AVL9: variants seen among roughly 807,000 people sequenced by gnomAD.
AVL9 encodes AVL9 cell migration associated.
Under a neutral mutation model 79.2 loss-of-function variants are expected in AVL9, and 49 were observed. That is an observed-to-expected ratio of 0.62 (90% CI 0.49 to 0.79). AVL9 has a LOEUF of 0.79. Ranked by LOEUF, AVL9 falls within the 30% of genes least tolerant of loss-of-function variation. The pLI, the probability that AVL9 is intolerant of heterozygous loss-of-function variation, is 0.00. For synonymous variants in AVL9, 299 were observed against 280.6 expected, an observed-to-expected ratio of 1.07 and a Z score of -0.65; for missense variants, 682 against 776.8, an observed-to-expected ratio of 0.88 and a Z score of 1.45.
intron 1 of AVL9, among the ~76,000 whole-genome samples, chr7:32,503,570 A>AAAC (rs938875350): frequency 6.7e-6 from 1 of 149,952 alleles, no homozygotes; most frequent in African/African-American, 2.5e-5. Context: ...GAAAAAAAAA[A>AAAC]AAAAAACTAG....
At chr7:32,545,089 G>A (rs1006401255) in intron 3 of AVL9, among the ~76,000 whole-genome samples, 2 of 124,022 alleles carry the variant, frequency 1.6e-5, no homozygotes, top group African/African-American at 5.7e-5. Context: ...TGTTTCTAGT[G>A]TTTGGCATAT....
chr7:32,497,652 T>G (rs1433842609), intron 1 of AVL9, among the ~76,000 whole-genome samples: 4 of 106,746 alleles, frequency 3.7e-5, no homozygotes, highest in Non-Finnish European at 8.5e-5. Context: ...GACCATTAGT[T>G]CTTTTTTTTT....
intron 1 of AVL9, among the ~76,000 whole-genome samples, chr7:32,505,296 C>G (rs988419804): frequency 1.3e-5 from 2 of 151,448 alleles, no homozygotes; most frequent in African/African-American, 4.8e-5. Flanking sequence ...GAGGCCAAGG[C>G]GGGCAGATCA....
chr7:32,552,095 T>G (rs1280954885), intron 5 of AVL9, 134 bp from the exon 6 acceptor site: 9 of 603,630 alleles, frequency 1.5e-5, no homozygotes, highest in Non-Finnish European at 2.7e-5. Flanking sequence ...CAGAGAGGCT[T>G]GATTGTTTTT....
intron 12 of AVL9, 133 bp from the exon 13 acceptor site, chr7:32,575,822 C>G (rs1791068197): frequency 4.8e-6 from 3 of 630,386 alleles, no homozygotes; most frequent in African/African-American, 1.9e-5. Flanking sequence ...TTCCTGACAT[C>G]TGGTAGGCTA....
At position 32,579,339 on chromosome 7, in the gene AVL9, CACAT is replaced by C. The variant is rs1173647636; in HGVS notation, c.1689-878_1689-875del. On this transcript the variant is annotated intron_variant, in intron 13 of 15. Coordinates refer to ENST00000318709, the MANE Select transcript of AVL9 (RefSeq NM_015060.3). Reference sequence around the variant, plus strand: ...TATATATTTTATATAATATATATAACACATATTTTATATAATATATAACATATAT... The same window carrying C: ...TATATATTTTATATAATATATATAACATTTTATATAATATATAACATATAT... Among the ~76,000 whole-genome samples the C allele has an allele frequency of 2.3e-3, 19 of 8,428 alleles. 1 individual carries two copies. In the East Asian group the frequency reaches 0.074, roughly 33 times the overall value. The allele number at this position is 8,428 out of a possible 152,430, so 5.5% of individuals were successfully genotyped here. A position where few individuals can be genotyped will look rare whatever the true frequency, so the allele number is the denominator to read the frequency against.
chr7:32,543,499 G>A (rs577447759), intron 2 of AVL9, among the ~76,000 whole-genome samples: 2 of 152,356 alleles, frequency 1.3e-5, no homozygotes, highest in African/African-American at 4.8e-5. Context: ...TGATTAGCCA[G>A]AGCAGGACAG....
intron 1 of AVL9, among the ~76,000 whole-genome samples, chr7:32,496,415 G>A (rs1786815438): frequency 6.6e-6 from 1 of 152,124 alleles, no homozygotes; most frequent in Non-Finnish European, 1.5e-5. Context: ...GCCTTTTGGT[G>A]AGAGATTAAT....
intron 11 of AVL9, 24 bp downstream of exon 11, chr7:32,570,178 TA>T (rs777875079): frequency 1.2e-6 from 2 of 1,613,082 alleles, no homozygotes; most frequent in South Asian, 2.2e-5. Context: ...TGAGTGTGTG[TA>T]TTTGGCCCTG....
chr7:32,569,929 A>C, intron 10 of AVL9, 91 bp from the exon 11 acceptor site: 1 of 1,256,746 alleles, frequency 8.0e-7, no homozygotes, highest in East Asian at 2.3e-5. Flanking sequence ...GAAGAATGGA[A>C]GTTTCTTTTC....
Position 32,525,704 on chromosome 7 carries a change from T to C in AVL9, c.94-17437T>C, listed in dbSNP as rs1788373776. ...TTAGTTGGTGCCCTAATGGAATAGG[T>C]TTATTTTTCTGCCCTGACACACAAA... On this transcript the variant is annotated intron_variant, in intron 1 of 15. Transcript: ENST00000318709. 2.0e-5 allele frequency among the ~76,000 whole-genome samples: 3 copies of C among 152,184 alleles called. No individual in the cohort carries two copies. In the South Asian group the frequency reaches 6.2e-4, roughly 32 times the overall value.
intron 1 of AVL9, among the ~76,000 whole-genome samples, chr7:32,519,199 C>T (rs79224828): frequency 3.3e-5 from 5 of 152,024 alleles, no homozygotes; most frequent in Admixed American, 1.3e-4. Context: ...GAGGCCGAGG[C>T]GGGTGGATCA....
intron 1 of AVL9, among the ~76,000 whole-genome samples, chr7:32,505,239 G>C (rs62467562): frequency 0.72 from 109,217 of 151,790 alleles, 39,423 homozygotes; most frequent in South Asian, 0.85. Flanking sequence ...GAAAATAAAC[G>C]CTTCGGCTGG....
At chr7:32,504,927 G>A (rs895767413) in intron 1 of AVL9, among the ~76,000 whole-genome samples, 3 of 152,014 alleles carry the variant, frequency 2.0e-5, no homozygotes, top group Non-Finnish European at 2.9e-5. Flanking sequence ...AGGCTGGAGT[G>A]CGGTGGCATG....
Position 32,570,137 on chromosome 7 carries a change from A to C in AVL9, c.1333A>C (p.Ser445Arg). 1 of 1,614,194 alleles carries C rather than the reference A, an allele frequency of 6.2e-7. No individual in the cohort carries two copies. ...CCTTTTTCGACAACAGAAACACCTC[A>C]GTGATGCCATTGTGGAAGTACGTTT... The part of the protein sequence containing the change: ...NILFRQQKHL[S>R]DAIVEVEEAL... The change falls in exon 11 of 16, where the codon AGT becomes CGT. Residue 445 changes from serine (S) to arginine (R), a missense_variant. By Grantham distance (110) the Ser-to-Arg change is moderately radical. Coordinates refer to ENST00000318709, the MANE Select transcript of AVL9 (RefSeq NM_015060.3).
chr7:32,573,244 C>T lies in AVL9; in HGVS notation c.1396C>T (p.Leu466=), dbSNP rs746783062. 1 of 1,614,026 alleles carries T rather than the reference C, an allele frequency of 6.2e-7. No homozygotes were observed. Among genetic ancestry groups the T allele is most frequent in the Non-Finnish European group, 8.5e-7 (1 of 1,180,004 alleles). The part of the protein sequence containing the change: ...IQIHDPELRK[L]LNPTTADLRF... ...GATCCATGATCCAGAACTCAGGAAG[C>T]TGCTTAACCCAACCACTGCAGACCT... Residue 466 remains leucine, a synonymous_variant, in exon 12 of 16, where the codon CTG becomes TTG. Coordinates refer to ENST00000318709, the MANE Select transcript of AVL9 (RefSeq NM_015060.3).
chr7:32,531,331 T>G (rs1788637216), intron 1 of AVL9, among the ~76,000 whole-genome samples: 1 of 63,400 alleles, frequency 1.6e-5, no homozygotes, highest in Non-Finnish European at 3.5e-5. Context: ...TCTTTTTCTT[T>G]CTCTATTTTA....
At chr7:32,543,288 AG>A in intron 2 of AVL9, 27 bp downstream of exon 2, 3 of 1,602,770 alleles carry the variant, frequency 1.9e-6, no homozygotes, top group Non-Finnish European at 2.6e-6. Context: ...TGAAGCAGTT[AG>A]GTGCCATTTT....
chr7:32,579,546 TATATTATATATTATATTA>T (rs1791366901), intron 13 of AVL9, among the ~76,000 whole-genome samples: 1 of 4,378 alleles, frequency 2.3e-4, no homozygotes, highest in African/African-American at 1.1e-3. Flanking sequence ...TTATATATTA[TATATTATATATTATATTA>T]TATATTATAT....
Sources: gnomAD v4.1 joint callset for allele counts (sites outside exome capture counted in the v4.1 genomes callset) on GRCh38, gnomAD v4.1.1 for gene constraint, MANE v1.5 for transcripts, NCBI Gene and HGNC (gene_info 2026-07-23, HGNC 2026-07-21) for gene names.